Variants in CCNY observed in about 807,000 individuals in gnomAD.
CCNY encodes cyclin Y, also known as cyclin-Y.
In CCNY, 19 loss-of-function variants were observed where a neutral mutation model predicts 42.8. The ratio of observed to expected loss-of-function variants is 0.44; its 90% CI spans 0.31 to 0.65. The LOEUF is 0.65. Ranked by LOEUF, CCNY falls within the 30% of genes least tolerant of loss-of-function variation. CCNY has a pLI of 0.07. For missense variants in CCNY, 370 were observed against 437.3 expected (o/e 0.85, Z 1.37); for synonymous variants, 165 against 162.7 (o/e 1.01, Z -0.11).
rs957394288 is a variant in CCNY, at chr10:35,273,207, CT to C, written c.-9+22593del. On this transcript the variant is annotated intron_variant, in intron 3 of 11. Coordinates refer to the CCNY transcript ENST00000374706. ...CCTCATCCTCCTCATTCTTAATTAA[CT>C]TTTTTTTTTTTGAGATGGAGTTTCG... Among the ~76,000 whole-genome samples the C allele has an allele frequency of 8.9e-4, 130 of 146,286 alleles. No individual in the cohort carries two copies. The South Asian group carries it at 0.01, about 12-fold the overall frequency.
chr10:35,326,909 C>A (rs1004678505), intron 3 of CCNY, among the ~76,000 whole-genome samples: 28 of 151,970 alleles, frequency 1.8e-4, no homozygotes, highest in South Asian at 2.1e-4. Context: ...AACAAACAAA[C>A]AAACACCATT....
At chr10:35,495,451 C>T (rs1301204259) in intron 2 of CCNY, among the ~76,000 whole-genome samples, 1 of 152,246 alleles carries the variant, frequency 6.6e-6, no homozygotes. Flanking sequence ...GTTCTTCCTT[C>T]GTCTACTTCC....
At chr10:35,516,688 T>A (rs12767039) in intron 4 of CCNY, 65 bp downstream of exon 4, 16,109 of 828,570 alleles carry the variant, frequency 0.019, 240 homozygotes, top group Middle Eastern at 0.041. Flanking sequence ...TTTTTTTTTT[T>A]ACTTAACTGA....
chr10:35,249,802 C>T (rs563795595), intron 2 of CCNY, among the ~76,000 whole-genome samples: 1 of 152,318 alleles, frequency 6.6e-6, no homozygotes, highest in South Asian at 2.1e-4. Flanking sequence ...GTAATCCCAG[C>T]ACTTTGGGAG....
chr10:35,251,439 G>C (rs1041909084), intron 3 of CCNY, among the ~76,000 whole-genome samples: 1 of 152,078 alleles, frequency 6.6e-6, no homozygotes. Context: ...GCTCATGTTA[G>C]GTTTATAGTA....
At chr10:35,552,871 A>C (rs1024099440) in intron 7 of CCNY, 148 bp from the exon 8 acceptor site, 14 of 761,546 alleles carry the variant, frequency 1.8e-5, no homozygotes, top group African/African-American at 7.0e-5. Flanking sequence ...AGACTCATTG[A>C]GTCATTTGGC....
intron 3 of CCNY, among the ~76,000 whole-genome samples, chr10:35,271,330 C>T (rs1439220975): frequency 2.0e-5 from 3 of 152,072 alleles, no homozygotes; most frequent in African/African-American, 4.8e-5. Flanking sequence ...GAAGGTTCAG[C>T]GTGGAGAAGC....
At chr10:35,486,030 C>T (rs1176696459) in intron 2 of CCNY, among the ~76,000 whole-genome samples, 4 of 152,092 alleles carry the variant, frequency 2.6e-5, no homozygotes, top group Non-Finnish European at 5.9e-5. Flanking sequence ...TCAAAACCCA[C>T]GTATTCAGCT....
intron 3 of CCNY, among the ~76,000 whole-genome samples, chr10:35,284,976 T>C (rs190917360): frequency 2.2e-4 from 33 of 152,264 alleles, no homozygotes; most frequent in African/African-American, 6.3e-4. Flanking sequence ...GCCCATACTT[T>C]GTATGATTTC....
chr10:35,367,254 C>T (rs1427713176), intron 1 of CCNY, among the ~76,000 whole-genome samples: 2 of 152,030 alleles, frequency 1.3e-5, no homozygotes, highest in Non-Finnish European at 2.9e-5. Context: ...CTTTATACTA[C>T]CTTATGACTG....
chr10:35,522,356 A>G lies in CCNY; in HGVS notation c.366-3608A>G, dbSNP rs1840565925. Among the ~76,000 whole-genome samples the G allele has an allele frequency of 2.0e-5, 3 of 152,212 alleles. No individual in the cohort carries two copies. In the South Asian group the frequency reaches 6.2e-4, roughly 31 times the overall value. On this transcript the variant is annotated intron_variant, in intron 4 of 9. Transcript: ENST00000374704. ...TCCATCCACCTGCCTTTGCGAGATG[A>G]GCACGCCTCCTGTTACAAATTAGAC...
chr10:35,543,496 A>G (rs1001298637), intron 7 of CCNY, among the ~76,000 whole-genome samples: 1 of 152,140 alleles, frequency 6.6e-6, no homozygotes, highest in Non-Finnish European at 1.5e-5. Context: ...CCTGTCGCCT[A>G]GTGACGTCAT....
chr10:35,400,576 C>T (rs956288767), intron 1 of CCNY, among the ~76,000 whole-genome samples: 2 of 152,210 alleles, frequency 1.3e-5, no homozygotes, highest in Non-Finnish European at 2.9e-5. Flanking sequence ...AACCTCTTCT[C>T]TAACCTCCCA....
At chr10:35,369,015 C>T (rs1296933554) in intron 1 of CCNY, among the ~76,000 whole-genome samples, 2 of 152,202 alleles carry the variant, frequency 1.3e-5, no homozygotes, top group African/African-American at 4.8e-5. Context: ...GCAGCAGTAA[C>T]CTGCCTATTA....
intron 2 of CCNY, among the ~76,000 whole-genome samples, chr10:35,498,603 A>G (rs539071118): frequency 1.1e-4 from 17 of 152,278 alleles, no homozygotes; most frequent in African/African-American, 3.6e-4. Context: ...TTACCCCCCA[A>G]TCCAGGCAGG....
At chr10:35,294,095 G>T (rs1437119162) in intron 3 of CCNY, among the ~76,000 whole-genome samples, 1 of 152,072 alleles carries the variant, frequency 6.6e-6, no homozygotes, top group African/African-American at 2.4e-5. Flanking sequence ...TGGCACAATT[G>T]ATATTTGTAT....
intron 7 of CCNY, among the ~76,000 whole-genome samples, chr10:35,542,674 C>A (rs990362257): frequency 6.6e-6 from 1 of 152,198 alleles, no homozygotes; most frequent in Non-Finnish European, 1.5e-5. Flanking sequence ...GCCATTCAAC[C>A]CCTGAACTGC....
At chr10:35,339,423 G>GTA (rs928053645) in intron 1 of CCNY, among the ~76,000 whole-genome samples, 6 of 151,950 alleles carry the variant, frequency 3.9e-5, no homozygotes, top group South Asian at 2.1e-4. Flanking sequence ...TAAATAGAGT[G>GTA]TATATATATA....
At chr10:35,388,113 A>T (rs555853259) in intron 1 of CCNY, among the ~76,000 whole-genome samples, 1 of 152,202 alleles carries the variant, frequency 6.6e-6, no homozygotes, top group Non-Finnish European at 1.5e-5. Context: ...CTGGAGAGCA[A>T]TTCTAGAGAA....
Sources: allele counts gnomAD v4.1 joint callset (sites outside exome capture counted in the v4.1 genomes callset), GRCh38; gene constraint gnomAD v4.1.1; transcripts MANE v1.5; gene names NCBI Gene and HGNC (gene_info 2026-07-23, HGNC 2026-07-21).